Variants in DGKZ observed in about 807,000 individuals in gnomAD.
DGKZ encodes the protein diacylglycerol kinase zeta.
A neutral mutation model predicts 142.5 loss-of-function variants in DGKZ; 45 were observed. The observed-to-expected ratio is 0.32, with a 90% CI of 0.25 to 0.40. The LOEUF (loss-of-function observed/expected upper bound fraction) is 0.40. DGKZ is among the 10% of genes least tolerant of loss of function. The probability of loss-of-function intolerance (pLI) is 1.00; values close to 1 mark genes in which losing one functional copy is unlikely to be tolerated. For synonymous variants in DGKZ, 442 were observed against 527.0 expected (o/e 0.84, Z 2.21); for missense variants, 755 against 1,306.5 (o/e 0.58, Z 6.51).
intron 19 of DGKZ, 117 bp downstream of exon 19, chr11:46,375,162 C>A: frequency 9.7e-7 from 1 of 1,034,010 alleles, no homozygotes; most frequent in Non-Finnish European, 1.4e-6. Context: ...CCTTCTTTGT[C>A]TCATTCCTCT....
rs748444143 is a variant in DGKZ, at chr11:46,366,518, G to A, written c.162-773G>A. 23 of 1,592,648 alleles carry A rather than the reference G, an allele frequency of 1.4e-5. No homozygotes were observed. Among genetic ancestry groups the A allele is most frequent in the African/African-American group, 5.4e-5 (4 of 74,392 alleles). ...CCCTTCCTGCAACCCCCGCTTCATC[G>A]TGGATAAGGTGCTCACTCCACAGCC... On this transcript the variant is annotated intron_variant, in intron 1 of 30. Coordinates refer to ENST00000527911, the Ensembl canonical transcript of DGKZ.
chr11:46,364,718 G>A (rs1033042081), intron 1 of DGKZ: 29 of 985,312 alleles, frequency 2.9e-5, no homozygotes, highest in South Asian at 9.4e-5. Flanking sequence ...CTAGACGTGC[G>A]GCCTGGGCCT....
At position 46,374,127 on chromosome 11, in the gene DGKZ, C is replaced by A. The variant is rs767243287; in HGVS notation, c.1327-30C>A. On this transcript the variant is annotated intron_variant, in intron 14 of 30. Transcript: ENST00000527911. ...AGCGGGGACATTTGTGAGGCCCAGCCCTCATTTTGGTCCCTTGACCTTTTT... is the reference window on the plus strand; with the variant it reads ...AGCGGGGACATTTGTGAGGCCCAGCACTCATTTTGGTCCCTTGACCTTTTT... The A allele has an allele frequency of 4.3e-6, 7 of 1,612,680 alleles. No homozygotes were observed. The African/African-American group carries it at 9.3e-5, about 22-fold the overall frequency.
At chr11:46,368,187 A>T (rs1220877260) in intron 4 of DGKZ, 108 bp downstream of exon 4, 3 of 1,184,138 alleles carry the variant, frequency 2.5e-6, no homozygotes, top group Non-Finnish European at 3.7e-6. Context: ...GGAGTGACCC[A>T]GCACTCGGGG....
chr11:46,371,473 C>T lies in DGKZ; in HGVS notation c.643-14C>T. 6.3e-7 allele frequency: 1 copy of T among 1,599,972 alleles called. No individual in the cohort carries two copies. Among genetic ancestry groups the T allele is most frequent in the African/African-American group, 1.3e-5 (1 of 74,884 alleles). ...AACACGGTCCCGCTGAGCCCGGCCCCTCGCTCTCCTCAGTACCACAGCAAG... is the reference window on the plus strand; with the variant it reads ...AACACGGTCCCGCTGAGCCCGGCCCTTCGCTCTCCTCAGTACCACAGCAAG... On this transcript the variant is annotated splice_polypyrimidine_tract_variant and intron_variant, in intron 7 of 30. Transcript: ENST00000527911.
At chr11:46,362,061 G>A (rs1228380288) in intron 1 of DGKZ, 1 of 152,264 alleles carries the variant, frequency 6.6e-6, no homozygotes, top group East Asian at 1.9e-4. Flanking sequence ...GGCTGACTGG[G>A]GAGGGACTGG....
chr11:46,369,701 C>T, intron 5 of DGKZ, 151 bp downstream of exon 5: 1 of 1,073,196 alleles, frequency 9.3e-7, no homozygotes, highest in Admixed American at 2.1e-5. Context: ...GGAGGCCTAA[C>T]TAGCGCTGCC....
exon 31 of DGKZ, chr11:46,380,063 A>G (rs1945049195): frequency 2.8e-6 from 3 of 1,084,496 alleles, no homozygotes; most frequent in South Asian, 1.6e-5. Flanking sequence ...GCCCCAGGGA[A>G]AGAGCCCCAT....
chr11:46,345,769 A>G (rs1025784014), upstream of DGKZ, among the ~76,000 whole-genome samples: 2 of 152,132 alleles, frequency 1.3e-5, no homozygotes, highest in Non-Finnish European at 2.9e-5. The surrounding 1 kb of genome is among the most constrained non-coding windows in gnomAD (Gnocchi z 4.1). Flanking sequence ...GACTGTGTGG[A>G]GGAACTGAGC....
chr11:46,334,116 G>T (rs1390900068), intron 1 of DGKZ, among the ~76,000 whole-genome samples: 1 of 152,124 alleles, frequency 6.6e-6, no homozygotes, highest in Admixed American at 6.5e-5. Flanking sequence ...TGCCCAGAGG[G>T]TCCTGGAGGA....
intron 1 of DGKZ, among the ~76,000 whole-genome samples, chr11:46,360,033 C>A (rs935238328): frequency 6.6e-6 from 1 of 152,154 alleles, no homozygotes; most frequent in African/African-American, 2.4e-5. Flanking sequence ...TAAAGATATT[C>A]CTTCTTTTTG....
At position 46,341,169 on chromosome 11, in the gene DGKZ, T is replaced by C. The variant is rs568211978; in HGVS notation, c.212+7682T>C. 3.5e-4 allele frequency among the ~76,000 whole-genome samples: 54 copies of C among 152,306 alleles called. 1 individual carries two copies. The highest frequency in any genetic ancestry group is 3.3e-3 in the Admixed American group (50 of 15,302). ...TCTCCAAACTCTCCATGTCTCACCA[T>C]GGCCACTTAGGCAAACAAGAAGCCA... On this transcript the variant is annotated intron_variant, in intron 1 of 30. Coordinates refer to the DGKZ transcript ENST00000343674.
chr11:46,345,672 G>A, upstream of DGKZ: 1 of 1,310,442 alleles, frequency 7.6e-7, no homozygotes, highest in Non-Finnish European at 1.0e-6. The surrounding 1 kb of genome is among the most constrained non-coding windows in gnomAD (Gnocchi z 4.1). Context: ...ACAGAAGTAG[G>A]GTCACCCATC....
intron 23 of DGKZ, 54 bp downstream of exon 23, chr11:46,376,451 C>T (rs573064586): frequency 1.2e-6 from 2 of 1,613,882 alleles, no homozygotes; most frequent in African/African-American, 2.7e-5. Context: ...CTAGGGGATC[C>T]CAGGTAGGGG....
At chr11:46,377,867 G>T in intron 25 of DGKZ, 5 of 371,672 alleles carry the variant, frequency 1.3e-5, no homozygotes, top group Non-Finnish European at 2.0e-5. Flanking sequence ...ATCTCAGCTT[G>T]GCTGTTTCCT....
intron 1 of DGKZ, among the ~76,000 whole-genome samples, chr11:46,337,165 G>C (rs760167802): frequency 2.4e-4 from 36 of 152,126 alleles, no homozygotes; most frequent in Non-Finnish European, 4.1e-4. Flanking sequence ...AAGCCAGAGT[G>C]GGGCAAGGGA....
intron 6 of DGKZ, among the ~76,000 whole-genome samples, chr11:46,370,578 G>A (rs1943831451): frequency 6.6e-6 from 1 of 152,180 alleles, no homozygotes; most frequent in Non-Finnish European, 1.5e-5. Context: ...GTACTCGGAA[G>A]CGGCAGTAAA....
At chr11:46,370,065 C>G (rs1219893505) in intron 6 of DGKZ, 56 bp downstream of exon 6, 17 of 1,603,840 alleles carry the variant, frequency 1.1e-5, no homozygotes, top group South Asian at 5.5e-5. Flanking sequence ...TGAGCCCAGG[C>G]CATGTGGCCG....
intron 24 of DGKZ, 196 bp from the exon 25 acceptor site, chr11:46,376,877 C>G: frequency 4.7e-6 from 3 of 643,476 alleles, no homozygotes; most frequent in Non-Finnish European, 8.2e-6. Context: ...GCCAGCTCAC[C>G]TGGTAAAGTC....
Sources: allele counts gnomAD v4.1 joint callset (sites outside exome capture counted in the v4.1 genomes callset), GRCh38; gene constraint gnomAD v4.1.1; non-coding constraint Gnocchi (gnomAD v3.1); transcripts MANE v1.5; gene names NCBI Gene and HGNC (gene_info 2026-07-23, HGNC 2026-07-21).